Variants in PPARG observed in about 807,000 individuals in gnomAD.
PPARG encodes peroxisome proliferator activated receptor gamma, also known as peroxisome proliferator-activated receptor gamma.
A neutral mutation model predicts 39.2 loss-of-function variants in PPARG; 17 were observed. The ratio of observed to expected loss-of-function variants is 0.43; its 90% CI spans 0.30 to 0.65. The LOEUF (loss-of-function observed/expected upper bound fraction) is 0.65, where lower values mean the gene tolerates loss of function less well. Among genes scored for constraint, PPARG ranks in the 30% least tolerant of loss-of-function variants. The probability of loss-of-function intolerance (pLI) is 0.13; values close to 1 mark genes in which losing one functional copy is unlikely to be tolerated. For missense variants in PPARG, 406 were observed against 585.9 expected, an observed-to-expected ratio of 0.69 and a Z score of 3.17; for synonymous variants, 223 against 215.7, an observed-to-expected ratio of 1.03 and a Z score of -0.30.
intron 1 of PPARG, among the ~76,000 whole-genome samples, chr3:12,306,171 C>T (rs545514902): frequency 1.3e-3 from 202 of 152,316 alleles, no homozygotes; most frequent in Admixed American, 4.8e-3. Context: ...CACCTTAGAT[C>T]ATCAGGCATT....
chr3:12,371,031 C>T (rs764975203), intron 2 of PPARG, among the ~76,000 whole-genome samples: 3 of 152,074 alleles, frequency 2.0e-5, no homozygotes, highest in African/African-American at 7.2e-5. Context: ...AGGCTTTTAG[C>T]CCACCTTTTA....
intron 2 of PPARG, among the ~76,000 whole-genome samples, chr3:12,339,068 G>A (rs1018725097): frequency 6.6e-6 from 1 of 152,160 alleles, no homozygotes; most frequent in African/African-American, 2.4e-5. Context: ...AAAATGTGCT[G>A]TATCAATACA....
chr3:12,298,922 A>G (rs2046860371), intron 1 of PPARG, among the ~76,000 whole-genome samples: 1 of 152,122 alleles, frequency 6.6e-6, no homozygotes, highest in Admixed American at 6.5e-5. Flanking sequence ...TGCAGCCTCA[A>G]CTTCTTGGGT....
intron 2 of PPARG, among the ~76,000 whole-genome samples, chr3:12,343,306 C>T (rs1159824937): frequency 6.6e-6 from 1 of 152,176 alleles, no homozygotes; most frequent in African/African-American, 2.4e-5. Context: ...CAAAGCTTCT[C>T]TGTCTTTCAG....
intron 1 of PPARG, among the ~76,000 whole-genome samples, chr3:12,300,475 C>T (rs1313045965): frequency 6.6e-6 from 1 of 152,136 alleles, no homozygotes; most frequent in African/African-American, 2.4e-5. Context: ...CACAATACAG[C>T]CACAGTTAAT....
chr3:12,308,147 C>T (rs1264897544), intron 1 of PPARG, among the ~76,000 whole-genome samples: 1 of 151,872 alleles, frequency 6.6e-6, no homozygotes, highest in East Asian at 1.9e-4. Context: ...GGTTAGAGAT[C>T]AGCATGGACA....
chr3:12,351,475 C>G, intron 2 of PPARG: 1 of 766,580 alleles, frequency 1.3e-6, no homozygotes, highest in South Asian at 1.4e-5. Context: ...TGTCTTGACT[C>G]ATGGGTGTAT....
intron 2 of PPARG, among the ~76,000 whole-genome samples, chr3:12,367,575 A>C (rs530404552): frequency 4.2e-4 from 64 of 152,152 alleles, no homozygotes; most frequent in African/African-American, 1.4e-3. Flanking sequence ...TGGGCCAAGC[A>C]TAGTGACTCA....
At chr3:12,287,810 G>GCCCCCC (rs1241313443), upstream of PPARG, 3 of 43,016 alleles carry the variant, frequency 7.0e-5, no homozygotes, top group Non-Finnish European at 1.5e-4. Flanking sequence ...CCCCGCCCCC[G>GCCCCCC]CCCCCGCCCC....
upstream of PPARG, among the ~76,000 whole-genome samples, chr3:12,288,423 C>A (rs1385518971): frequency 6.6e-6 from 1 of 151,252 alleles, no homozygotes; most frequent in Non-Finnish European, 1.5e-5. Context: ...AGGACAGCCC[C>A]CCTCGGGAGA....
At chr3:12,432,151 G>A (rs971209756) in intron 7 of PPARG, among the ~76,000 whole-genome samples, 3 of 152,160 alleles carry the variant, frequency 2.0e-5, no homozygotes, top group Non-Finnish European at 4.4e-5. Context: ...CTAAGAAACC[G>A]TCAGGGAACA....
rs540653950 is a variant in PPARG, at chr3:12,375,998, G to A, written c.-8-3706G>A. ...GAGTTTCACTCTTGTTGCCCAGGCT[G>A]GAGTGCAGTGGCGTGATCTCAGCTC... On this transcript the variant is annotated intron_variant, in intron 2 of 7. Transcript: ENST00000651735. Among the ~76,000 whole-genome samples the A allele has an allele frequency of 2.7e-3, 410 of 150,146 alleles. 1 individual carries two copies. The highest frequency in any genetic ancestry group is 4.5e-3 in the Admixed American group (68 of 15,050).
At chr3:12,351,670 A>G (rs1216862524) in intron 2 of PPARG, 1 of 1,606,002 alleles carries the variant, frequency 6.2e-7, no homozygotes, top group East Asian at 2.2e-5. Flanking sequence ...CAAACATATC[A>G]CAAGGTAAAG....
At chr3:12,391,204 C>G (rs1575103711) in intron 4 of PPARG, among the ~76,000 whole-genome samples, 1 of 152,286 alleles carries the variant, frequency 6.6e-6, no homozygotes, top group East Asian at 1.9e-4. Flanking sequence ...GTATAAGAGA[C>G]TATTCCTGCC....
At chr3:12,313,005 C>T (rs897812647) in intron 2 of PPARG, among the ~76,000 whole-genome samples, 1 of 152,108 alleles carries the variant, frequency 6.6e-6, no homozygotes, top group South Asian at 2.1e-4. Flanking sequence ...CCCAAAGTTT[C>T]GGGATATCCA....
chr3:12,411,917 G>C (rs2050892818), intron 6 of PPARG, among the ~76,000 whole-genome samples: 1 of 152,140 alleles, frequency 6.6e-6, no homozygotes, highest in South Asian at 2.1e-4. Context: ...AAGAACATGA[G>C]CCCTAAGAAT....
Position 12,370,234 on chromosome 3 carries a change from T to C in PPARG, c.-8-9470T>C, listed in dbSNP as rs566888055. Reference sequence around the variant, plus strand: ...AACATTGTTCTATTGATTTTCTAGCTTCCAGTGTTACTGTTGAGAAGTTCA... The same window carrying C: ...AACATTGTTCTATTGATTTTCTAGCCTCCAGTGTTACTGTTGAGAAGTTCA... On this transcript the variant is annotated intron_variant, in intron 2 of 7. Transcript: ENST00000651735. 2.6e-5 allele frequency among the ~76,000 whole-genome samples: 4 copies of C among 152,314 alleles called. No individual in the cohort carries two copies. In the Middle Eastern group the frequency reaches 0.01, roughly 389 times the overall value.
intron 3 of PPARG, among the ~76,000 whole-genome samples, 168 bp downstream of exon 3, chr3:12,380,099 C>T (rs2125172415): frequency 6.6e-6 from 1 of 152,222 alleles, no homozygotes; most frequent in East Asian, 1.9e-4. Context: ...CTATGAAATG[C>T]CAGGAAGGGA....
chr3:12,418,572 T>C (rs2051155952), intron 7 of PPARG, among the ~76,000 whole-genome samples: 2 of 152,244 alleles, frequency 1.3e-5, no homozygotes, highest in Non-Finnish European at 1.5e-5. Flanking sequence ...CAAACATTTA[T>C]TTAATACTTG....
Sources: gnomAD v4.1 joint callset for allele counts (sites outside exome capture counted in the v4.1 genomes callset) on GRCh38, gnomAD v4.1.1 for gene constraint, MANE v1.5 for transcripts, NCBI Gene and HGNC (gene_info 2026-07-23, HGNC 2026-07-21) for gene names.